Variants in NAV2 observed in about 807,000 individuals in gnomAD.
NAV2 encodes the protein helicase, APC down-regulated 1.
A neutral mutation model predicts 223.2 loss-of-function variants in NAV2; 54 were observed. The ratio of observed to expected loss-of-function variants is 0.24; its 90% CI spans 0.19 to 0.30. NAV2 has a LOEUF of 0.30. Ranked by LOEUF, NAV2 falls within the 10% of genes least tolerant of loss-of-function variation. NAV2 has a pLI of 1.00. For synonymous variants in NAV2, 1,279 were observed against 1,239.3 expected (o/e 1.03, Z -0.67); for missense variants, 2,806 against 3,147.5 (o/e 0.89, Z 2.60).
rs116415379 is a variant in NAV2 at position 19,946,918 on chromosome 11, G to A, written c.2255+409G>A. On this transcript the variant is annotated intron_variant, in intron 9 of 37. Coordinates refer to ENST00000349880, the MANE Select transcript of NAV2 (RefSeq NM_145117.5). ...CTCTGTAATATTGTTAGTCATGCAC[G>A]TACATAAAACATGTAAGGAAATATT... 4.3e-3 allele frequency among the ~76,000 whole-genome samples: 651 copies of A among 152,198 alleles called. 4 individuals carry two copies. The highest frequency in any genetic ancestry group is 0.015 in the African/African-American group (621 of 41,530).
At chr11:19,557,963 G>A (rs74501192) in intron 1 of NAV2, among the ~76,000 whole-genome samples, 2,643 of 152,288 alleles carry the variant, frequency 0.017, 85 homozygotes, top group African/African-American at 0.061. Context: ...TGCTCTTGTG[G>A]GATGAACGTT....
intron 4 of NAV2, among the ~76,000 whole-genome samples, chr11:19,873,070 G>T (rs575577142): frequency 6.6e-6 from 1 of 152,312 alleles, no homozygotes; most frequent in Admixed American, 6.5e-5. Context: ...AACACCTGGG[G>T]TTTGTGCTAT....
intron 1 of NAV2, among the ~76,000 whole-genome samples, chr11:19,511,989 T>C (rs1590370728): frequency 1.3e-5 from 2 of 152,230 alleles, no homozygotes; most frequent in Admixed American, 1.3e-4. Context: ...TTCTGGGGGC[T>C]GTGGCCAGAA....
Position 19,984,020 on chromosome 11 carries a change from C to T in NAV2, c.2646-105C>T. The stretch of plus-strand genomic sequence containing the variant: ...GCCTCAGGGAATCCTCCGTTTCTTC[C>T]CCCTTAGAGCACTTGGCGGCTGTAC... On this transcript the variant is annotated intron_variant, in intron 10 of 37. Coordinates refer to ENST00000349880, the MANE Select transcript of NAV2 (RefSeq NM_145117.5). The T allele has an allele frequency of 3.4e-6, 5 of 1,454,718 alleles. No individual in the cohort carries two copies. In the South Asian group the frequency reaches 4.8e-5, roughly 14 times the overall value. 90.1% of individuals were successfully genotyped at this position (1,454,718 alleles called of 1,614,324 possible). A position where few individuals can be genotyped will look rare whatever the true frequency, so the allele number is the denominator to read the frequency against.
At chr11:19,939,540 A>T in intron 7 of NAV2, 121 bp from the exon 8 acceptor site, 1 of 674,826 alleles carries the variant, frequency 1.5e-6, no homozygotes, top group East Asian at 2.7e-5. Flanking sequence ...CTGCTGGTCC[A>T]CTCTGTTCTG....
intron 11 of NAV2, among the ~76,000 whole-genome samples, chr11:20,021,725 C>G (rs2054528313): frequency 6.6e-6 from 1 of 152,136 alleles, no homozygotes; most frequent in African/African-American, 2.4e-5. Flanking sequence ...CGGCAGATGC[C>G]TCAGCAGTAT....
intron 12 of NAV2, among the ~76,000 whole-genome samples, chr11:20,039,601 T>G (rs2056728018): frequency 6.6e-6 from 1 of 152,200 alleles, no homozygotes; most frequent in Admixed American, 6.5e-5. Flanking sequence ...CAGTATTTTA[T>G]TTTGAGGACA....
chr11:20,069,143 A>G (rs1415582970), intron 22 of NAV2, among the ~76,000 whole-genome samples: 1 of 152,154 alleles, frequency 6.6e-6, no homozygotes, highest in Non-Finnish European at 1.5e-5. Context: ...GGGGACAGGA[A>G]GGACTTCCTG....
intron 1 of NAV2, among the ~76,000 whole-genome samples, chr11:19,829,061 GAC>G (rs1364869517): frequency 6.6e-6 from 1 of 152,202 alleles, no homozygotes; most frequent in Non-Finnish European, 1.5e-5. Flanking sequence ...TAGTTGTAGA[GAC>G]AGTATGTCTA....
chr11:20,050,165 G>A (rs1044491417), intron 16 of NAV2, among the ~76,000 whole-genome samples: 3 of 152,088 alleles, frequency 2.0e-5, no homozygotes, highest in Non-Finnish European at 4.4e-5. Context: ...CTGGGGCAGC[G>A]GAAGCTCTCG....
chr11:19,696,952 T>C (rs2049360459), intron 1 of NAV2, among the ~76,000 whole-genome samples: 1 of 152,198 alleles, frequency 6.6e-6, no homozygotes. Context: ...GTTGTACACA[T>C]TTCAAAGACA....
intron 4 of NAV2, among the ~76,000 whole-genome samples, chr11:19,878,995 C>T (rs566767352): frequency 1.3e-5 from 2 of 152,206 alleles, no homozygotes; most frequent in African/African-American, 4.8e-5. Flanking sequence ...AGTAAGTTTG[C>T]CCCCAAGGTT....
At chr11:19,832,968 T>G (rs1417854918) in intron 2 of NAV2, among the ~76,000 whole-genome samples, 1 of 152,032 alleles carries the variant, frequency 6.6e-6, no homozygotes. Context: ...CTGGAAATAT[T>G]TCCAAAAAAA....
chr11:20,023,699 G>GGGGT (rs1554902313), intron 11 of NAV2, among the ~76,000 whole-genome samples: 1,929 of 144,664 alleles, frequency 0.013, 16 homozygotes, highest in Middle Eastern at 0.045. Context: ...CAAATTGCTG[G>GGGGT]GTGTGTGTGT....
At chr11:20,068,293 A>C (rs757163015) in intron 21 of NAV2, 31 bp from the exon 22 acceptor site, 1 of 1,612,090 alleles carries the variant, frequency 6.2e-7, no homozygotes, top group Non-Finnish European at 8.5e-7. Context: ...GGACCCCCAA[A>C]GCATGTAACC....
rs943584674 is a variant in NAV2, at chr11:19,875,018, G to A, written c.512-4851G>A. On this transcript the variant is annotated intron_variant, in intron 4 of 37. Coordinates refer to ENST00000349880, the MANE Select transcript of NAV2 (RefSeq NM_145117.5). ...CTGAAAACAACAAAATTAGCCGGGC[G>A]TGGTGGCATGCACCTATAATCCCAG... Among the ~76,000 whole-genome samples the A allele has an allele frequency of 9.2e-5, 14 of 152,178 alleles. No individual in the cohort carries two copies. In the East Asian group the frequency reaches 1.3e-3, roughly 15 times the overall value.
intron 22 of NAV2, among the ~76,000 whole-genome samples, chr11:20,076,444 C>T (rs1330045259): frequency 6.6e-6 from 1 of 152,208 alleles, no homozygotes; most frequent in Non-Finnish European, 1.5e-5. Context: ...GCTCAAATGC[C>T]TCTCACTCTT....
At position 20,048,831 on chromosome 11, in the gene NAV2, G is replaced by A; in HGVS notation, c.4006G>A (p.Gly1336Ser). 3.7e-6 allele frequency: 6 copies of A among 1,614,160 alleles called. No homozygotes were observed. Among genetic ancestry groups the A allele is most frequent in the Non-Finnish European group, 5.1e-6 (6 of 1,180,024 alleles). ...TCCTCATGCCACCATGACTCAGCAA[G>A]GTAACCTAGACTCCCCGTCAGGCAG... Reference protein sequence around the residue: ...SNPHATMTQQGNLDSPSGSGV... With the variant: ...SNPHATMTQQSNLDSPSGSGV... Residue 1336 changes from glycine to serine, a missense_variant, in exon 15 of 38, where the codon GGT becomes AGT. Transcript: ENST00000349880.
chr11:19,798,300 G>C (rs1481509209), intron 1 of NAV2, among the ~76,000 whole-genome samples: 1 of 152,186 alleles, frequency 6.6e-6, no homozygotes, highest in Non-Finnish European at 1.5e-5. Flanking sequence ...GTGACTGCTT[G>C]ACCGCTCCAA....
Sources: allele counts gnomAD v4.1 joint callset (sites outside exome capture counted in the v4.1 genomes callset), GRCh38; gene constraint gnomAD v4.1.1; transcripts MANE v1.5; gene names NCBI Gene and HGNC (gene_info 2026-07-23, HGNC 2026-07-21).